The following SLC38A6 variants were observed in gnomAD, a reference collection of about 807,000 sequenced individuals.
SLC38A6 encodes the protein N system amino acid transporter NAT-1.
A neutral mutation model predicts 65.0 loss-of-function variants in SLC38A6; 73 were observed. That is an observed-to-expected ratio of 1.12 (90% confidence interval 0.93 to 1.37). SLC38A6 has a LOEUF of 1.37. Among genes scored for constraint, SLC38A6 ranks in the 40% most tolerant of loss-of-function variants. The pLI is 0.00. For synonymous variants in SLC38A6, 183 were observed against 178.8 expected, an observed-to-expected ratio of 1.02 and a Z score of -0.19; for missense variants, 561 against 531.1, an observed-to-expected ratio of 1.06 and a Z score of -0.55.
intron 3 of SLC38A6, among the ~76,000 whole-genome samples, chr14:61,015,424 A>G (rs2039934563): frequency 6.6e-6 from 1 of 152,264 alleles, no homozygotes; most frequent in African/African-American, 2.4e-5. Context: ...AGTGAGATGA[A>G]CCCGGTACCT....
chr14:61,049,779 C>G (rs558173932), intron 12 of SLC38A6, among the ~76,000 whole-genome samples: 2 of 152,196 alleles, frequency 1.3e-5, no homozygotes, highest in South Asian at 2.1e-4. Flanking sequence ...TATTTTCCCA[C>G]AAAACACTGA....
At chr14:61,076,079 T>C (rs1350640210) in intron 15 of SLC38A6, among the ~76,000 whole-genome samples, 1 of 152,052 alleles carries the variant, frequency 6.6e-6, no homozygotes, top group African/African-American at 2.4e-5. Context: ...GGTCTTGAAC[T>C]CCCGACCTCA....
intron 16 of SLC38A6, among the ~76,000 whole-genome samples, chr14:61,082,363 C>T (rs2043692654): frequency 6.6e-6 from 1 of 152,094 alleles, no homozygotes; most frequent in Non-Finnish European, 1.5e-5. Context: ...TTAACTTGTA[C>T]CAAGACCTGT....
At chr14:60,993,896 A>G (rs577369780) in intron 3 of SLC38A6, among the ~76,000 whole-genome samples, 69 of 152,338 alleles carry the variant, frequency 4.5e-4, no homozygotes, top group African/African-American at 1.5e-3. Flanking sequence ...ACCTCTACAC[A>G]TGTATTAGAA....
chr14:61,035,222 T>A (rs1347758868), intron 6 of SLC38A6, among the ~76,000 whole-genome samples: 1 of 152,120 alleles, frequency 6.6e-6, no homozygotes, highest in African/African-American at 2.4e-5. Flanking sequence ...ATCTGACAGC[T>A]ACGATAAAGA....
rs182517911 is a variant in SLC38A6, at chr14:61,011,280, G to A, written c.311-4624G>A. ...GCCTATCAGCTTAAGGAGATTTTGGGCCGAGATGGTGGGGTTTTCGAGATA... is the reference window on the plus strand; with the variant it reads ...GCCTATCAGCTTAAGGAGATTTTGGACCGAGATGGTGGGGTTTTCGAGATA... On this transcript the variant is annotated intron_variant, in intron 3 of 15. Transcript: ENST00000267488. Among the ~76,000 whole-genome samples, 7 of 152,292 alleles carry A rather than the reference G, an allele frequency of 4.6e-5. No individual in the cohort carries two copies. The East Asian group carries it at 1.3e-3, about 29-fold the overall frequency.
intron 15 of SLC38A6, among the ~76,000 whole-genome samples, chr14:61,072,004 A>C (rs143418836): frequency 1.3e-5 from 2 of 152,132 alleles, no homozygotes; most frequent in Non-Finnish European, 2.9e-5. Context: ...ATTGTGTGTG[A>C]TATTCTTAGG....
intron 3 of SLC38A6, among the ~76,000 whole-genome samples, chr14:60,988,981 T>G (rs904372736): frequency 1.3e-5 from 2 of 152,242 alleles, no homozygotes; most frequent in Non-Finnish European, 2.9e-5. Flanking sequence ...CTTCTTTGGT[T>G]CATCACTTCA....
chr14:60,995,003 CAAAAA>C (rs34888148), intron 3 of SLC38A6, among the ~76,000 whole-genome samples: 12 of 73,156 alleles, frequency 1.6e-4, no homozygotes, highest in Non-Finnish European at 3.4e-4. Context: ...GACTCCATCT[CAAAAA>C]AAAAAAAAAA....
downstream of SLC38A6, among the ~76,000 whole-genome samples, chr14:61,055,121 T>TC (rs2042667208): frequency 7.4e-6 from 1 of 135,682 alleles, no homozygotes; most frequent in Non-Finnish European, 1.6e-5. Context: ...TTTTTTTCTT[T>TC]TTTTTTTTAT....
intron 15 of SLC38A6, among the ~76,000 whole-genome samples, chr14:61,057,894 T>C (rs1370719324): frequency 7.5e-6 from 1 of 134,166 alleles, no homozygotes; most frequent in Non-Finnish European, 1.6e-5. Flanking sequence ...CTAGATTTTC[T>C]AGTTTATTTG....
At chr14:60,999,319 T>C (rs2038536148) in intron 3 of SLC38A6, among the ~76,000 whole-genome samples, 1 of 152,236 alleles carries the variant, frequency 6.6e-6, no homozygotes, top group Non-Finnish European at 1.5e-5. Context: ...TAAAGAAGGT[T>C]ACAATTATTT....
intron 5 of SLC38A6, among the ~76,000 whole-genome samples, chr14:61,023,308 C>T (rs1018594794): frequency 2.0e-5 from 3 of 152,168 alleles, no homozygotes; most frequent in African/African-American, 2.4e-5. Context: ...TGGAGGCCCA[C>T]GCCTGTAAGC....
rs1486124093 is a variant in SLC38A6, at chr14:61,023,590, T to TAATA, written c.403+4011_403+4012insATAA. Among the ~76,000 whole-genome samples the TAATA allele has an allele frequency of 2.8e-3, 397 of 143,104 alleles. 12 individuals are homozygous for TAATA. In the East Asian group the frequency reaches 0.039, roughly 14 times the overall value. 93.9% of individuals were successfully genotyped at this position (143,104 alleles called of 152,430 possible). On this transcript the variant is annotated intron_variant, in intron 5 of 15. Transcript: ENST00000267488. ...ATAATAATAATAATAATAATAATAA[T>TAATA]ATATATATATACACACACACACACA...
intron 3 of SLC38A6, among the ~76,000 whole-genome samples, chr14:61,007,967 AAAAG>A (rs1362668966): frequency 6.6e-6 from 1 of 152,180 alleles, no homozygotes; most frequent in Non-Finnish European, 1.5e-5. Flanking sequence ...GATTTGAAAA[AAAAG>A]AATGTTGACA....
chr14:61,020,795 A>G (rs1447081644), intron 5 of SLC38A6, among the ~76,000 whole-genome samples: 1 of 152,126 alleles, frequency 6.6e-6, no homozygotes, highest in African/African-American at 2.4e-5. Flanking sequence ...CTGTGCACTG[A>G]TAATGTTTCT....
intron 3 of SLC38A6, among the ~76,000 whole-genome samples, chr14:60,996,845 C>T (rs1226671721): frequency 6.6e-6 from 1 of 152,106 alleles, no homozygotes; most frequent in Non-Finnish European, 1.5e-5. Context: ...ACAATGCCTT[C>T]AAAATTCCTG....
Position 61,046,102 on chromosome 14 carries a change from C to G in SLC38A6, c.860C>G (p.Thr287Arg). 6.2e-7 allele frequency: 1 copy of G among 1,611,586 alleles called. No individual in the cohort carries two copies. Among genetic ancestry groups the G allele is most frequent in the Non-Finnish European group, 8.5e-7 (1 of 1,178,260 alleles). The stretch of plus-strand genomic sequence containing the variant: ...AAAAGAATGCAGAATGTTACCAATA[C>G]AGCAATTGCTTTAAGTTTTCTCATT... Reference protein sequence around the residue: ...SKKRMQNVTNTAIALSFLIYF... With the variant: ...SKKRMQNVTNRAIALSFLIYF... Residue 287 changes from threonine (T) to arginine (R), a missense_variant, in exon 12 of 16, where the codon ACA (threonine) becomes AGA (arginine). By Grantham distance (71) the Thr-to-Arg change is moderately conservative. Coordinates refer to ENST00000267488, the MANE Select transcript of SLC38A6 (RefSeq NM_153811.3).
intron 3 of SLC38A6, among the ~76,000 whole-genome samples, chr14:60,990,462 A>G (rs1237051217): frequency 6.7e-6 from 1 of 149,882 alleles, no homozygotes; most frequent in Non-Finnish European, 1.5e-5. Flanking sequence ...TCAGATTTGT[A>G]AAACTCCCCA....
Sources: gnomAD v4.1 joint callset for allele counts (sites outside exome capture counted in the v4.1 genomes callset) on GRCh38, gnomAD v4.1.1 for gene constraint, MANE v1.5 for transcripts, NCBI Gene and HGNC (gene_info 2026-07-23, HGNC 2026-07-21) for gene names.